The following H4C11 variants were observed in gnomAD, a reference collection of about 807,000 sequenced individuals.
H4C11 encodes histone H4.
A neutral mutation model predicts 4.2 loss-of-function variants in H4C11; 1 was observed. The observed-to-expected ratio is 0.24, with a 90% CI of 0.09 to 1.14. The LOEUF (loss-of-function observed/expected upper bound fraction) is 1.14, where lower values mean the gene tolerates loss of function less well. Ranked by LOEUF, H4C11 falls within the 50% of genes most tolerant of loss-of-function variation. The pLI, the probability that H4C11 is intolerant of heterozygous loss-of-function variation, is 0.52. For missense variants in H4C11, 73 were observed against 157.7 expected, an observed-to-expected ratio of 0.46 and a Z score of 2.88; for synonymous variants, 95 against 66.9, an observed-to-expected ratio of 1.42 and a Z score of -2.05.
chr6:27,824,190 A>T lies in H4C11; in HGVS notation c.66A>T (p.Val22=). 2.0e-6 allele frequency: 3 copies of T among 1,525,882 alleles called. No individual in the cohort carries two copies. The highest frequency in any genetic ancestry group is 2.6e-6 in the Non-Finnish European group (3 of 1,139,290). 94.5% of individuals were successfully genotyped at this position (1,525,882 alleles called of 1,614,324 possible). Reference sequence around the variant, plus strand: ...GCGGCGCTAAGCGCCACCGTAAAGTACTGCGCGACAATATCCAGGGCATCA... The same window carrying T: ...GCGGCGCTAAGCGCCACCGTAAAGTTCTGCGCGACAATATCCAGGGCATCA... The part of the protein sequence containing the change: ...GKGGAKRHRK[V]LRDNIQGITK... The change falls in exon 1 of 1, where the codon GTA becomes GTT. Residue 22 remains valine, a synonymous_variant. Coordinates refer to ENST00000355057, the MANE Select transcript of H4C11 (RefSeq NM_021968.4).
rs750050019 is a variant in H4C11, at chr6:27,824,397, C to G, written c.273C>G (p.Leu91=). 20 of 1,568,346 alleles carry G rather than the reference C, an allele frequency of 1.3e-5. No individual in the cohort carries two copies. Among genetic ancestry groups the G allele is most frequent in the Non-Finnish European group, 1.5e-5 (17 of 1,163,912 alleles). The change falls in exon 1 of 1, where the codon CTC becomes CTG. Residue 91 remains leucine (L), a synonymous_variant. Transcript: ENST00000355057. ...TVTAMDVVYA[L]KRQGRTLYGF... is the part of the protein sequence containing the mutation. ...CCGCCATGGATGTGGTCTACGCGCT[C>G]AAGCGCCAGGGCCGCACCCTCTACG...
In H4C11 at chr6:27,824,355, C is replaced by G. The variant is rs780164912; in HGVS notation, c.231C>G (p.Ala77=). The change falls in exon 1 of 1, where the codon GCC becomes GCG. Residue 77 remains alanine, a synonymous_variant. Transcript: ENST00000355057. Reference sequence around the variant, plus strand: ...ACGCCGTGACCTATACAGAGCACGCCAAGCGCAAGACGGTCACCGCCATGG... The same window carrying G: ...ACGCCGTGACCTATACAGAGCACGCGAAGCGCAAGACGGTCACCGCCATGG... The part of the protein sequence containing the change: ...IRDAVTYTEH[A]KRKTVTAMDV... The G allele has an allele frequency of 1.1e-5, 17 of 1,575,612 alleles. No individual in the cohort carries two copies. The highest frequency in any genetic ancestry group is 1.5e-5 in the Non-Finnish European group (17 of 1,164,430).
chr6:27,824,110 C>A lies in H4C11; in HGVS notation c.-15C>A. 3 of 1,542,046 alleles carry A rather than the reference C, an allele frequency of 1.9e-6. No homozygotes were observed. The highest frequency in any genetic ancestry group is 2.6e-6 in the Non-Finnish European group (3 of 1,141,276). ...AGGCCTCACAAAGCGTTGGGTGAGA[C>A]TCCTCTTGCTCGTCATGTCTGGCCG... is the stretch of plus-strand genomic sequence containing the variant. On this transcript the variant is annotated 5_prime_UTR_variant, in exon 1 of 1. Coordinates refer to ENST00000355057, the MANE Select transcript of H4C11 (RefSeq NM_021968.4).
chr6:27,824,223 G>A lies in H4C11; in HGVS notation c.99G>A (p.Pro33=), dbSNP rs368679902. 277 of 1,564,632 alleles carry A rather than the reference G, an allele frequency of 1.8e-4. No homozygotes were observed. Among genetic ancestry groups the A allele is most frequent in the Non-Finnish European group, 2.3e-4 (269 of 1,155,234 alleles). Residue 33 remains proline (P), a synonymous_variant, in exon 1 of 1, where the codon CCG becomes CCA. Transcript: ENST00000355057. ...LRDNIQGITK[P]AIRRLARRGG... ...ACAATATCCAGGGCATCACCAAGCC[G>A]GCCATCCGGCGCCTTGCTCGCCGCG...
Position 27,824,166 on chromosome 6 carries a change from C to A in H4C11, c.42C>A (p.Gly14=), listed in dbSNP as rs528923683. The change falls in exon 1 of 1, where the codon GGC becomes GGA. Residue 14 remains glycine, a synonymous_variant. Coordinates refer to ENST00000355057, the MANE Select transcript of H4C11 (RefSeq NM_021968.4). ...AAGGCGGGAAGGGTCTTGGCAAAGGCGGCGCTAAGCGCCACCGTAAAGTAC... is the reference window on the plus strand; with the variant it reads ...AAGGCGGGAAGGGTCTTGGCAAAGGAGGCGCTAAGCGCCACCGTAAAGTAC... The part of the protein sequence containing the change: ...RGKGGKGLGK[G]GAKRHRKVLR... 1 of 1,519,632 alleles carries A rather than the reference C, an allele frequency of 6.6e-7. No homozygotes were observed. The highest frequency in any genetic ancestry group is 2.3e-5 in the East Asian group (1 of 44,124). The allele number at this position is 1,519,632 out of a possible 1,614,324, so 94.1% of individuals were successfully genotyped here. A position where few individuals can be genotyped will look rare whatever the true frequency, so the allele number is the denominator to read the frequency against.
chr6:27,824,193 G>A lies in H4C11; in HGVS notation c.69G>A (p.Leu23=). The part of the protein sequence containing the change: ...KGGAKRHRKV[L]RDNIQGITKP... ...GCGCTAAGCGCCACCGTAAAGTACT[G>A]CGCGACAATATCCAGGGCATCACCA... The change falls in exon 1 of 1, where the codon CTG becomes CTA. Residue 23 remains leucine, a synonymous_variant. Coordinates refer to ENST00000355057, the MANE Select transcript of H4C11 (RefSeq NM_021968.4). 1 of 1,527,800 alleles carries A rather than the reference G, an allele frequency of 6.5e-7. No homozygotes were observed. Among genetic ancestry groups the A allele is most frequent in the Non-Finnish European group, 8.8e-7 (1 of 1,140,052 alleles). 94.6% of individuals were successfully genotyped at this position (1,527,800 alleles called of 1,614,324 possible).
At position 27,824,340 on chromosome 6, in the gene H4C11, C is replaced by A. The variant is rs765570238; in HGVS notation, c.216C>A (p.Thr72=). The A allele has an allele frequency of 2.5e-6, 4 of 1,588,632 alleles. No homozygotes were observed. The highest frequency in any genetic ancestry group is 2.2e-5 in the East Asian group (1 of 44,688). Residue 72 remains threonine, a synonymous_variant, in exon 1 of 1, where the codon ACC becomes ACA. Coordinates refer to ENST00000355057, the MANE Select transcript of H4C11 (RefSeq NM_021968.4). ...FLENVIRDAV[T]YTEHAKRKTV... is the part of the protein sequence containing the mutation. ...AGAACGTGATCCGGGACGCCGTGAC[C>A]TATACAGAGCACGCCAAGCGCAAGA...
At position 27,824,169 on chromosome 6, in the gene H4C11, C is replaced by T. The variant is rs201140587; in HGVS notation, c.45C>T (p.Gly15=). The change falls in exon 1 of 1, where the codon GGC becomes GGT. Residue 15 remains glycine, a synonymous_variant. Coordinates refer to ENST00000355057, the MANE Select transcript of H4C11 (RefSeq NM_021968.4). ...GKGGKGLGKG[G]AKRHRKVLRD... is the part of the protein sequence containing the mutation. ...GCGGGAAGGGTCTTGGCAAAGGCGGCGCTAAGCGCCACCGTAAAGTACTGC... is the reference window on the plus strand; with the variant it reads ...GCGGGAAGGGTCTTGGCAAAGGCGGTGCTAAGCGCCACCGTAAAGTACTGC... 72 of 1,515,298 alleles carry T rather than the reference C, an allele frequency of 4.8e-5. No homozygotes were observed. Among genetic ancestry groups the T allele is most frequent in the South Asian group, 1.3e-4 (10 of 74,866 alleles). 93.9% of individuals were successfully genotyped at this position (1,515,298 alleles called of 1,614,324 possible).
At position 27,824,237 on chromosome 6, in the gene H4C11, TTGCTCGCCGCGGCGGCG is replaced by T. The variant is rs1334006717; in HGVS notation, c.116_132del (p.Ala39GlufsTer67). 1 of 1,574,174 alleles carries T rather than the reference TTGCTCGCCGCGGCGGCG, an allele frequency of 6.4e-7. No individual in the cohort carries two copies. Among genetic ancestry groups the T allele is most frequent in the Non-Finnish European group, 8.6e-7 (1 of 1,159,256 alleles). On this transcript the variant is annotated frameshift_variant, in exon 1 of 1. Transcript: ENST00000355057. LOFTEE classifies it high-confidence loss of function. ...ATCACCAAGCCGGCCATCCGGCGCC[TTGCTCGCCGCGGCGGCG>T]TGAAGCGCATCTCCGGCCTCATCTA... is the stretch of plus-strand genomic sequence containing the variant.
At position 27,824,117 on chromosome 6, in the gene H4C11, T is replaced by A; in HGVS notation, c.-8T>A. 1 of 1,544,098 alleles carries A rather than the reference T, an allele frequency of 6.5e-7. No individual in the cohort carries two copies. ...ACAAAGCGTTGGGTGAGACTCCTCT[T>A]GCTCGTCATGTCTGGCCGCGGCAAA... On this transcript the variant is annotated 5_prime_UTR_variant, in exon 1 of 1. Coordinates refer to ENST00000355057, the MANE Select transcript of H4C11 (RefSeq NM_021968.4).
rs770426091 is a variant in H4C11 at position 27,824,214 on chromosome 6, C to T, written c.90C>T (p.Ile30=). 1.5e-5 allele frequency: 23 copies of T among 1,558,942 alleles called. 1 individual carries two copies. Among genetic ancestry groups the T allele is most frequent in the East Asian group, 6.8e-5 (3 of 44,288 alleles). The change falls in exon 1 of 1, where the codon ATC becomes ATT. Residue 30 remains isoleucine (I), a synonymous_variant. Coordinates refer to ENST00000355057, the MANE Select transcript of H4C11 (RefSeq NM_021968.4). ...TACTGCGCGACAATATCCAGGGCAT[C>T]ACCAAGCCGGCCATCCGGCGCCTTG... ...RKVLRDNIQG[I]TKPAIRRLAR...
chr6:27,824,459 G>C lies in H4C11; in HGVS notation c.*23G>C, dbSNP rs758191325. On this transcript the variant is annotated 3_prime_UTR_variant, in exon 1 of 1. Transcript: ENST00000355057. ...TGAGCGTCCCTTTCTATCAATAAAA[G>C]GCCCTTTTCAGGGCCACCCTACTTT... 2 of 1,606,864 alleles carry C rather than the reference G, an allele frequency of 1.2e-6. No homozygotes were observed. The highest frequency in any genetic ancestry group is 1.1e-5 in the South Asian group (1 of 90,446).
chr6:27,824,093 C>T lies in H4C11; in HGVS notation c.-32C>T, dbSNP rs761810437. On this transcript the variant is annotated 5_prime_UTR_variant, in exon 1 of 1. Coordinates refer to ENST00000355057, the MANE Select transcript of H4C11 (RefSeq NM_021968.4). The stretch of plus-strand genomic sequence containing the variant: ...GCGCTGCCTCAGGCCAGAGGCCTCA[C>T]AAAGCGTTGGGTGAGACTCCTCTTG... The T allele has an allele frequency of 1.4e-5, 22 of 1,532,336 alleles. 2 individuals are homozygous for T. Among genetic ancestry groups the T allele is most frequent in the East Asian group, 2.3e-5 (1 of 44,220 alleles). 94.9% of individuals were successfully genotyped at this position (1,532,336 alleles called of 1,614,324 possible).
chr6:27,824,446 T>C lies in H4C11; in HGVS notation c.*10T>C, dbSNP rs760350021. The C allele has an allele frequency of 8.7e-6, 14 of 1,606,722 alleles. No individual in the cohort carries two copies. Among genetic ancestry groups the C allele is most frequent in the Non-Finnish European group, 1.2e-5 (14 of 1,177,310 alleles). On this transcript the variant is annotated 3_prime_UTR_variant, in exon 1 of 1. Coordinates refer to ENST00000355057, the MANE Select transcript of H4C11 (RefSeq NM_021968.4). The stretch of plus-strand genomic sequence containing the variant: ...CGGTTTCGGTGGTTGAGCGTCCCTT[T>C]CTATCAATAAAAGGCCCTTTTCAGG...
rs1760794397 is a variant in H4C11, at chr6:27,824,240, C to T, written c.116C>T (p.Ala39Val). 1 of 1,575,182 alleles carries T rather than the reference C, an allele frequency of 6.3e-7. No individual in the cohort carries two copies. Among genetic ancestry groups the T allele is most frequent in the Non-Finnish European group, 8.6e-7 (1 of 1,159,728 alleles). The part of the protein sequence containing the change: ...GITKPAIRRL[A>V]RRGGVKRISG... ...ACCAAGCCGGCCATCCGGCGCCTTG[C>T]TCGCCGCGGCGGCGTGAAGCGCATC... Residue 39 changes from alanine to valine, a missense_variant, in exon 1 of 1, where the codon GCT (alanine) becomes GTT (valine). By Grantham distance (64) the Ala-to-Val change is moderately conservative (BLOSUM62 0). Around this residue, in one of 4 missense-constraint regions of H4C11, gnomAD observed 13 missense variants for 39.8 expected, o/e 0.33. Coordinates refer to ENST00000355057, the MANE Select transcript of H4C11 (RefSeq NM_021968.4).
In H4C11 at chr6:27,824,407, G is replaced by A. The variant is rs376723488; in HGVS notation, c.283G>A (p.Gly95Ser). 1 of 1,584,024 alleles carries A rather than the reference G, an allele frequency of 6.3e-7. No individual in the cohort carries two copies. Among genetic ancestry groups the A allele is most frequent in the Non-Finnish European group, 8.5e-7 (1 of 1,169,924 alleles). The change falls in exon 1 of 1, where the codon GGC becomes AGC. Residue 95 changes from glycine (G) to serine (S), a missense_variant. By Grantham distance (56) the Gly-to-Ser change is moderately conservative. This residue lies in a region of H4C11 where 40 missense variants were observed against 78.3 expected (regional missense o/e 0.51). Coordinates refer to ENST00000355057, the MANE Select transcript of H4C11 (RefSeq NM_021968.4). ...MDVVYALKRQ[G>S]RTLYGFGG ...TGTGGTCTACGCGCTCAAGCGCCAG[G>A]GCCGCACCCTCTACGGTTTCGGTGG...
Position 27,824,096 on chromosome 6 carries a change from A to G in H4C11, c.-29A>G, listed in dbSNP as rs1760787738. The G allele has an allele frequency of 1.3e-6, 2 of 1,534,316 alleles. No individual in the cohort carries two copies. The highest frequency in any genetic ancestry group is 4.5e-5 in the East Asian group (2 of 44,222). On this transcript the variant is annotated 5_prime_UTR_variant, in exon 1 of 1. Transcript: ENST00000355057. ...CTGCCTCAGGCCAGAGGCCTCACAA[A>G]GCGTTGGGTGAGACTCCTCTTGCTC...
rs1268169569 is a variant in H4C11 at position 27,824,218 on chromosome 6, A to T, written c.94A>T (p.Lys32Ter). ...GCGCGACAATATCCAGGGCATCACC[A>T]AGCCGGCCATCCGGCGCCTTGCTCG... The part of the protein sequence containing the change: ...VLRDNIQGIT[K>*]PAIRRLARRG... Residue 32 changes from lysine to a stop codon, truncating the protein, a stop_gained, in exon 1 of 1, where the codon AAG (lysine) becomes TAG (stop). Transcript: ENST00000355057. LOFTEE classifies it high-confidence loss of function. The T allele has an allele frequency of 6.4e-7, 1 of 1,562,074 alleles. No individual in the cohort carries two copies. The highest frequency in any genetic ancestry group is 8.7e-7 in the Non-Finnish European group (1 of 1,154,258).
In H4C11 at chr6:27,824,438, C is replaced by T. The variant is rs746425377; in HGVS notation, c.*2C>T. 1.8e-5 allele frequency: 29 copies of T among 1,606,212 alleles called. No individual in the cohort carries two copies. In the Admixed American group the frequency reaches 2.6e-4, roughly 14 times the overall value. On this transcript the variant is annotated 3_prime_UTR_variant, in exon 1 of 1. Coordinates refer to ENST00000355057, the MANE Select transcript of H4C11 (RefSeq NM_021968.4). ...ACCCTCTACGGTTTCGGTGGTTGAG[C>T]GTCCCTTTCTATCAATAAAAGGCCC...
Sources: allele counts gnomAD v4.1 joint callset, GRCh38; gene constraint gnomAD v4.1.1; regional missense constraint gnomAD v4.1.1; transcripts MANE v1.5; gene names NCBI Gene and HGNC (gene_info 2026-07-23, HGNC 2026-07-21).